Variants in KSR2 observed in about 807,000 individuals in gnomAD.
The protein encoded by KSR2 is kinase suppressor of ras 2.
A neutral mutation model predicts 107.8 loss-of-function variants in KSR2; 25 were observed. The observed-to-expected ratio is 0.23, with a 90% confidence interval of 0.17 to 0.32. The LOEUF is 0.32. Among genes scored for constraint, KSR2 ranks in the 10% least tolerant of loss-of-function variants. KSR2 has a pLI of 1.00. For missense variants in KSR2, 887 were observed against 1,268.9 expected (o/e 0.70, Z 4.57); for synonymous variants, 480 against 507.0 (o/e 0.95, Z 0.71).
chr12:117,924,586 A>G (rs1415620430), intron 1 of KSR2, among the ~76,000 whole-genome samples: 5 of 150,536 alleles, frequency 3.3e-5, no homozygotes, highest in Non-Finnish European at 5.9e-5. Context: ...AAAAAAAAAA[A>G]AAAAAAAAAA....
chr12:117,462,684 G>C lies in KSR2; in HGVS notation c.*4515C>G, dbSNP rs1448339112. ...AGTCCTAGGAGCCTCACGGAGGTGAGGGGGGCTTGGGGATATGGTGGCACA... is the reference window on the plus strand; with the variant it reads ...AGTCCTAGGAGCCTCACGGAGGTGACGGGGGCTTGGGGATATGGTGGCACA... On this transcript the variant is annotated 3_prime_UTR_variant, in exon 20 of 20. Coordinates refer to ENST00000339824, the MANE Select transcript of KSR2 (RefSeq NM_173598.6). 1 of 152,320 alleles carries C rather than the reference G, an allele frequency of 6.6e-6. No individual in the cohort carries two copies. Among genetic ancestry groups the C allele is most frequent in the African/African-American group, 2.4e-5 (1 of 41,426 alleles). The allele number at this position is 152,320 out of a possible 1,614,324, so 9.4% of individuals were successfully genotyped here. A position where few individuals can be genotyped will look rare whatever the true frequency, so the allele number is the denominator to read the frequency against.
intron 1 of KSR2, among the ~76,000 whole-genome samples, chr12:117,871,920 TAGCTGC>T (rs1893666857): frequency 6.6e-6 from 1 of 152,150 alleles, no homozygotes; most frequent in Admixed American, 6.6e-5. Flanking sequence ...GCCTTCTGAA[TAGCTGC>T]AATTACAGGC....
At chr12:117,626,328 T>C (rs1436168937) in intron 5 of KSR2, among the ~76,000 whole-genome samples, 1 of 152,216 alleles carries the variant, frequency 6.6e-6, no homozygotes, top group Non-Finnish European at 1.5e-5. Flanking sequence ...TCCTGCTTTC[T>C]CTTGTGGGCA....
intron 4 of KSR2, among the ~76,000 whole-genome samples, chr12:117,711,712 T>C (rs796119193): frequency 5.3e-5 from 8 of 152,344 alleles, no homozygotes; most frequent in African/African-American, 1.7e-4. Flanking sequence ...TGATTTCTCA[T>C]GGAAGGATCT....
chr12:117,746,028 T>C (rs1015405986), intron 4 of KSR2, among the ~76,000 whole-genome samples: 1 of 152,208 alleles, frequency 6.6e-6, no homozygotes, highest in African/African-American at 2.4e-5. Context: ...ATAGATTCAA[T>C]GCTATTCCCA....
intron 4 of KSR2, among the ~76,000 whole-genome samples, chr12:117,699,669 T>C (rs566632208): frequency 3.3e-5 from 5 of 152,294 alleles, no homozygotes; most frequent in African/African-American, 1.2e-4. Flanking sequence ...ATGGAGCTTG[T>C]AGGACTGGAA....
chr12:117,871,261 C>A (rs1893642391), intron 1 of KSR2, among the ~76,000 whole-genome samples: 1 of 152,076 alleles, frequency 6.6e-6, no homozygotes, highest in South Asian at 2.1e-4. Context: ...GGGATTTGAA[C>A]CCAAGTCTAA....
chr12:117,781,871 A>G (rs557970602), intron 3 of KSR2, among the ~76,000 whole-genome samples: 1 of 152,334 alleles, frequency 6.6e-6, no homozygotes, highest in South Asian at 2.1e-4. Flanking sequence ...CCCAGAGATA[A>G]AGAACAAATG....
chr12:117,749,367 G>A (rs1888533075), intron 4 of KSR2, among the ~76,000 whole-genome samples: 1 of 151,744 alleles, frequency 6.6e-6, no homozygotes, highest in African/African-American at 2.4e-5. Context: ...GCCAAGGTGG[G>A]ATTCACCTTG....
At chr12:117,786,474 C>T (rs1343425524) in intron 3 of KSR2, among the ~76,000 whole-genome samples, 1 of 152,068 alleles carries the variant, frequency 6.6e-6, no homozygotes, top group African/African-American at 2.4e-5. Flanking sequence ...CTCATCCTCT[C>T]CCTCCTCCCA....
At chr12:117,563,317 T>G (rs113952051) in intron 7 of KSR2, among the ~76,000 whole-genome samples, 1 of 152,074 alleles carries the variant, frequency 6.6e-6, no homozygotes, top group Non-Finnish European at 1.5e-5. Context: ...AGATGAGAGA[T>G]GAATGGGAGC....
intron 3 of KSR2, among the ~76,000 whole-genome samples, chr12:117,776,414 C>A (rs890771268): frequency 2.0e-5 from 3 of 152,028 alleles, no homozygotes; most frequent in Admixed American, 6.6e-5. Context: ...ATAAAATAAA[C>A]CCTATCTTAG....
chr12:117,473,776 C>T (rs1068945), intron 17 of KSR2, among the ~76,000 whole-genome samples: 135,461 of 152,160 alleles, frequency 0.89, 60,426 homozygotes, highest in African/African-American at 0.94. Flanking sequence ...CCCAAACCCA[C>T]TGGGACTCTA....
At chr12:117,797,503 G>A (rs2137008401) in intron 3 of KSR2, among the ~76,000 whole-genome samples, 1 of 148,564 alleles carries the variant, frequency 6.7e-6, no homozygotes, top group Middle Eastern at 3.4e-3. Flanking sequence ...AGGAGCGACT[G>A]TTTAATGGCT....
At chr12:117,895,305 T>C (rs1405165703) in intron 1 of KSR2, among the ~76,000 whole-genome samples, 1 of 152,052 alleles carries the variant, frequency 6.6e-6, no homozygotes, top group Non-Finnish European at 1.5e-5. Context: ...CCAAGGGGAG[T>C]GCCTCACTGG....
At chr12:117,859,687 G>T (rs988674989) in intron 2 of KSR2, among the ~76,000 whole-genome samples, 1 of 151,358 alleles carries the variant, frequency 6.6e-6, no homozygotes, top group Non-Finnish European at 1.5e-5. Flanking sequence ...AAACTCCTGT[G>T]CTCAAGCGAT....
At chr12:117,792,997 GCA>G (rs1047985608) in intron 3 of KSR2, among the ~76,000 whole-genome samples, 3 of 104,778 alleles carry the variant, frequency 2.9e-5, no homozygotes, top group Non-Finnish European at 5.7e-5. Flanking sequence ...CAACATGCAC[GCA>G]CACACACCAA....
intron 5 of KSR2, among the ~76,000 whole-genome samples, chr12:117,664,266 C>T (rs886649792): frequency 1.3e-5 from 2 of 152,176 alleles, no homozygotes; most frequent in Non-Finnish European, 1.5e-5. Flanking sequence ...GGCTTGGCCA[C>T]ACTACAGCCA....
chr12:117,928,117 C>G (rs1387614871), intron 1 of KSR2, among the ~76,000 whole-genome samples: 1 of 151,846 alleles, frequency 6.6e-6, no homozygotes, highest in Admixed American at 6.6e-5. Context: ...TTCTTTCACT[C>G]AGCATCATGT....
Sources: gnomAD v4.1 joint callset for allele counts (sites outside exome capture counted in the v4.1 genomes callset) on GRCh38, gnomAD v4.1.1 for gene constraint, MANE v1.5 for transcripts, NCBI Gene and HGNC (gene_info 2026-07-23, HGNC 2026-07-21) for gene names.